The following RAB8B variants were observed in gnomAD, a reference collection of about 807,000 sequenced individuals.
The protein encoded by RAB8B is ras-related protein Rab-8B.
Under a neutral mutation model 32.0 loss-of-function variants are expected in RAB8B, and 11 were observed. The ratio of observed to expected loss-of-function variants is 0.34; its 90% CI spans 0.22 to 0.57. The LOEUF (loss-of-function observed/expected upper bound fraction) is 0.57. Ranked by LOEUF, RAB8B falls within the 20% of genes least tolerant of loss-of-function variation. The pLI, the probability that RAB8B is intolerant of heterozygous loss-of-function variation, is 0.86. For missense variants in RAB8B, 190 were observed against 258.5 expected (o/e 0.73, Z 1.82); for synonymous variants, 103 against 89.6 (o/e 1.15, Z -0.85).
rs775037478 is a variant in RAB8B at position 63,259,654 on chromosome 15, T to A, written c.442T>A (p.Leu148Met). ...KLAIDYGIKF[L>M]ETSAKSSANV... ...AGCAATTGACTATGGGATTAAATTCTTGGAGACAAGCGCAAAATCCAGTGC... is the reference window on the plus strand; with the variant it reads ...AGCAATTGACTATGGGATTAAATTCATGGAGACAAGCGCAAAATCCAGTGC... Residue 148 changes from leucine (L) to methionine (M), a missense_variant, in exon 6 of 8, where the codon TTG (leucine) becomes ATG (methionine). Coordinates refer to ENST00000321437, the MANE Select transcript of RAB8B (RefSeq NM_016530.3). The surrounding 1 kb of genome is among the most constrained non-coding windows in gnomAD (Gnocchi z 4.4). The A allele has an allele frequency of 1.9e-6, 3 of 1,614,020 alleles. No individual in the cohort carries two copies. The East Asian group carries it at 6.7e-5, about 36-fold the overall frequency.
chr15:63,249,687 G>T lies in RAB8B; in HGVS notation c.228G>T (p.Ala76=), dbSNP rs369208515. ...GQERFRTITT[A]YYRGAMGIML... is the part of the protein sequence containing the mutation. ...AAAGATTCCGAACAATCACGACAGC[G>T]TACTACAGAGGAGCCATGGTGAGTG... The change falls in exon 3 of 8, where the codon GCG becomes GCT. Residue 76 remains alanine (A), a synonymous_variant. Coordinates refer to ENST00000321437, the MANE Select transcript of RAB8B (RefSeq NM_016530.3). 1 of 1,613,768 alleles carries T rather than the reference G, an allele frequency of 6.2e-7. No homozygotes were observed. Among genetic ancestry groups the T allele is most frequent in the Non-Finnish European group, 8.5e-7 (1 of 1,179,828 alleles).
chr15:63,219,308 AAAG>A (rs2037823082), intron 1 of RAB8B, among the ~76,000 whole-genome samples: 1 of 151,708 alleles, frequency 6.6e-6, no homozygotes, highest in African/African-American at 2.4e-5. Flanking sequence ...AAAAAAAAAA[AAAG>A]AAAGAAAGAG....
Position 63,259,721 on chromosome 15 carries a change from C to A in RAB8B, c.480+29C>A. 1 of 1,591,056 alleles carries A rather than the reference C, an allele frequency of 6.3e-7. No individual in the cohort carries two copies. On this transcript the variant is annotated intron_variant, in intron 6 of 7. Transcript: ENST00000321437. The surrounding 1 kb of genome is among the most constrained non-coding windows in gnomAD (Gnocchi z 4.4). ...AGAAGGAAACGTTTGGTGACTGTTA[C>A]GGAGCAGCACCAGTGCTTAGGGGCC...
At chr15:63,217,079 T>G (rs1280346594) in intron 1 of RAB8B, among the ~76,000 whole-genome samples, 1 of 152,156 alleles carries the variant, frequency 6.6e-6, no homozygotes, top group Non-Finnish European at 1.5e-5. Flanking sequence ...TCCTCTGAGC[T>G]CATGGTAGTT....
chr15:63,222,761 G>T (rs1157072822), intron 1 of RAB8B, among the ~76,000 whole-genome samples: 2 of 152,060 alleles, frequency 1.3e-5, no homozygotes, highest in Non-Finnish European at 2.9e-5. Context: ...GGCTGGTCTC[G>T]AACTCCTGAC....
chr15:63,202,484 A>C (rs2037661241), intron 1 of RAB8B, among the ~76,000 whole-genome samples: 1 of 152,176 alleles, frequency 6.6e-6, no homozygotes, highest in Admixed American at 6.5e-5. Context: ...CTTAGGAAGC[A>C]ATCAAATATG....
At chr15:63,201,799 A>C (rs929466713) in intron 1 of RAB8B, among the ~76,000 whole-genome samples, 1 of 152,110 alleles carries the variant, frequency 6.6e-6, no homozygotes, top group East Asian at 1.9e-4. Context: ...CTGATTAATC[A>C]AGTAAGAAGC....
intron 1 of RAB8B, among the ~76,000 whole-genome samples, chr15:63,220,447 C>A (rs2037834967): frequency 7.6e-6 from 1 of 130,870 alleles, no homozygotes; most frequent in Admixed American, 7.3e-5. Flanking sequence ...GTGTACAGAC[C>A]AACTTTTTTT....
chr15:63,234,760 C>G (rs1305860988), intron 1 of RAB8B, among the ~76,000 whole-genome samples: 2 of 152,196 alleles, frequency 1.3e-5, no homozygotes, highest in Non-Finnish European at 2.9e-5. Context: ...CTCAGAGGTG[C>G]AGGAAAGAGC....
intron 1 of RAB8B, among the ~76,000 whole-genome samples, chr15:63,240,020 C>T (rs959509765): frequency 6.6e-6 from 1 of 151,854 alleles, no homozygotes; most frequent in Non-Finnish European, 1.5e-5. Context: ...GGTGGTCATG[C>T]AGGAGTGCAG....
intron 1 of RAB8B, among the ~76,000 whole-genome samples, chr15:63,219,317 AAGAG>A (rs1363195349): frequency 6.6e-6 from 1 of 151,840 alleles, no homozygotes; most frequent in Non-Finnish European, 1.5e-5. Flanking sequence ...AAAAGAAAGA[AAGAG>A]AGAAAGAGAT....
chr15:63,193,179 A>G (rs2037572980), intron 1 of RAB8B, among the ~76,000 whole-genome samples: 1 of 152,128 alleles, frequency 6.6e-6, no homozygotes, highest in Admixed American at 6.5e-5. Context: ...ACAGTAAGCT[A>G]TGATTGCACC....
At position 63,263,644 on chromosome 15, in the gene RAB8B, C is replaced by T. The variant is rs1315661924; in HGVS notation, c.*25C>T. ...ATGAACTCTTTCTGAGAGACTGCAG[C>T]ACACCTAGAGGGCCCTTTCCTGCTT... On this transcript the variant is annotated 3_prime_UTR_variant, in exon 8 of 8. Transcript: ENST00000321437. 6.4e-7 allele frequency: 1 copy of T among 1,554,776 alleles called. No individual in the cohort carries two copies. The highest frequency in any genetic ancestry group is 1.1e-5 in the South Asian group (1 of 89,734).
At chr15:63,251,354 T>C (rs897899786) in intron 3 of RAB8B, 2 of 455,316 alleles carry the variant, frequency 4.4e-6, no homozygotes, top group Non-Finnish European at 8.8e-6. Flanking sequence ...TAATTCTGAT[T>C]AGAGGCATCT....
chr15:63,215,978 C>T (rs368836600), intron 1 of RAB8B, among the ~76,000 whole-genome samples: 6 of 152,034 alleles, frequency 3.9e-5, no homozygotes, highest in East Asian at 1.9e-4. Context: ...GTTGAGGCTG[C>T]AGTGAGCCTT....
intron 1 of RAB8B, among the ~76,000 whole-genome samples, chr15:63,222,714 T>A (rs1183622773): frequency 5.9e-5 from 9 of 152,158 alleles, no homozygotes; most frequent in Non-Finnish European, 4.4e-5. Flanking sequence ...ATTTTTTTTG[T>A]ATTTTTAGTA....
intron 1 of RAB8B, among the ~76,000 whole-genome samples, chr15:63,218,916 G>A (rs916006859): frequency 6.6e-6 from 1 of 150,760 alleles, no homozygotes; most frequent in Non-Finnish European, 1.5e-5. Context: ...AATATTTTAG[G>A]GGCAGCTATA....
intron 7 of RAB8B, among the ~76,000 whole-genome samples, chr15:63,263,007 G>T (rs927026445): frequency 6.6e-6 from 1 of 152,022 alleles, no homozygotes; most frequent in African/African-American, 2.4e-5. Flanking sequence ...GCACAAATTC[G>T]ATTTTTGCCA....
chr15:63,207,407 G>C (rs894575595), intron 1 of RAB8B, among the ~76,000 whole-genome samples: 8 of 152,030 alleles, frequency 5.3e-5, no homozygotes, highest in African/African-American at 2.4e-5. Context: ...AGACTCCTCT[G>C]TGTGCATCCC....
Sources: allele counts gnomAD v4.1 joint callset (sites outside exome capture counted in the v4.1 genomes callset), GRCh38; gene constraint gnomAD v4.1.1; non-coding constraint Gnocchi (gnomAD v3.1); transcripts MANE v1.5; gene names NCBI Gene and HGNC (gene_info 2026-07-23, HGNC 2026-07-21).